ERICH1: variants seen among roughly 807,000 people sequenced by gnomAD.
The protein encoded by ERICH1 is glutamate rich 1, also known as glutamate-rich protein 1.
ERICH1 carries 56 observed loss-of-function variants against 39.6 expected under a neutral mutation model. The observed-to-expected ratio is 1.41, with a 90% CI of 1.14 to 1.77. ERICH1 has a LOEUF of 1.77. Among genes scored for constraint, ERICH1 ranks in the 40% most tolerant of loss-of-function variants. The pLI, the probability that ERICH1 is intolerant of heterozygous loss-of-function variation, is 0.00. For missense variants in ERICH1, 826 were observed against 575.4 expected (o/e 1.44, Z -4.45); for synonymous variants, 313 against 223.6 (o/e 1.40, Z -3.57).
At chr8:683,289 A>T (rs889267408) in intron 3 of ERICH1, among the ~76,000 whole-genome samples, 16 of 152,158 alleles carry the variant, frequency 1.1e-4, no homozygotes, top group South Asian at 4.1e-4. Flanking sequence ...GCCTTTGAGG[A>T]TAAAATTCAG....
intron 3 of ERICH1, among the ~76,000 whole-genome samples, chr8:643,522 C>T (rs1250551222): frequency 2.6e-5 from 4 of 151,666 alleles, no homozygotes; most frequent in East Asian, 2.0e-4. Context: ...GGCCCTGGGC[C>T]GAAGCCCCGC....
At chr8:636,206 G>C (rs1439576149) in intron 3 of ERICH1, among the ~76,000 whole-genome samples, 3 of 152,142 alleles carry the variant, frequency 2.0e-5, no homozygotes, top group Non-Finnish European at 4.4e-5. Context: ...GAATCCCTGC[G>C]CCCCAACCAC....
chr8:660,050 T>A (rs907610948), downstream of ERICH1, among the ~76,000 whole-genome samples: 1 of 152,234 alleles, frequency 6.6e-6, no homozygotes, highest in Admixed American at 6.5e-5. Context: ...ACAGCTGCAG[T>A]GGAACAGAGG....
At chr8:622,367 T>C (rs1797336843) in intron 3 of ERICH1, among the ~76,000 whole-genome samples, 1 of 152,154 alleles carries the variant, frequency 6.6e-6, no homozygotes, top group Non-Finnish European at 1.5e-5. Context: ...ATGAGGGCCC[T>C]GTGAAAATGA....
At chr8:619,826 T>C (rs1308364254) in intron 3 of ERICH1, among the ~76,000 whole-genome samples, 2 of 152,202 alleles carry the variant, frequency 1.3e-5, no homozygotes, top group Non-Finnish European at 2.9e-5. Context: ...TGTATTTCAC[T>C]GGTATTAGGC....
intron 3 of ERICH1, among the ~76,000 whole-genome samples, chr8:620,069 T>C (rs187186636): frequency 0.013 from 2,015 of 151,658 alleles, 31 homozygotes; most frequent in African/African-American, 0.047. Context: ...ATCCCAGCAC[T>C]TTGGGAGGCC....
chr8:651,309 T>C (rs1045031464), intron 3 of ERICH1, among the ~76,000 whole-genome samples: 1 of 151,840 alleles, frequency 6.6e-6, no homozygotes, highest in Non-Finnish European at 1.5e-5. Flanking sequence ...TGGGTGGGAG[T>C]GGGAAAAGAG....
chr8:660,672 A>T (rs887129154), downstream of ERICH1, among the ~76,000 whole-genome samples: 1 of 152,178 alleles, frequency 6.6e-6, no homozygotes, highest in African/African-American at 2.4e-5. Flanking sequence ...TTTTTACAAT[A>T]AAAATTTTGG....
chr8:716,398 C>A (rs1454168652), intron 1 of ERICH1, among the ~76,000 whole-genome samples: 1 of 152,238 alleles, frequency 6.6e-6, no homozygotes, highest in Non-Finnish European at 1.5e-5. Flanking sequence ...TGGACGGTGT[C>A]AGTGGCCCAC....
chr8:674,995 C>A (rs191854514), intron 3 of ERICH1, among the ~76,000 whole-genome samples: 2 of 152,374 alleles, frequency 1.3e-5, no homozygotes, highest in East Asian at 3.9e-4. Context: ...AGAGGTAGCA[C>A]AGCCAATTCT....
At position 657,561 on chromosome 8, in the gene ERICH1, A is replaced by C. The variant is rs1027094443; in HGVS notation, c.976+11037T>G. On this transcript the variant is annotated intron_variant, in intron 3 of 3. Transcript: ENST00000522706. ...TGATGCTCCTGCTCCGTCAGTCCAG[A>C]CTGGCGCCATTGTCTCCCTGATGGT... Among the ~76,000 whole-genome samples the C allele has an allele frequency of 4.0e-5, 6 of 149,512 alleles. No homozygotes were observed. In the Admixed American group the frequency reaches 4.1e-4, roughly 10 times the overall value.
intron 3 of ERICH1, among the ~76,000 whole-genome samples, chr8:655,688 CTT>C (rs1800560163): frequency 6.8e-6 from 1 of 146,426 alleles, no homozygotes; most frequent in Non-Finnish European, 1.5e-5. Context: ...TCCTTCCTTC[CTT>C]CCTTCCTTCC....
Position 716,018 on chromosome 8 carries a change from A to G in ERICH1, c.23-11T>C. The G allele has an allele frequency of 6.3e-7, 1 of 1,581,108 alleles. No individual in the cohort carries two copies. The highest frequency in any genetic ancestry group is 2.3e-5 in the East Asian group (1 of 44,308). ...CCTTCTCCACAAACACTGTACAGAC[A>G]ACCGATTAAAAGAAAAGGAGGAAAA... On this transcript the variant is annotated splice_polypyrimidine_tract_variant and intron_variant, in intron 1 of 5. Coordinates refer to ENST00000262109, the MANE Select transcript of ERICH1 (RefSeq NM_207332.3).
intron 3 of ERICH1, among the ~76,000 whole-genome samples, chr8:676,843 G>C (rs980155125): frequency 6.6e-6 from 1 of 152,224 alleles, no homozygotes; most frequent in African/African-American, 2.4e-5. Flanking sequence ...GCCTGTTGGA[G>C]TTTTCTGAGC....
chr8:693,293 A>C (rs951872517), intron 2 of ERICH1, among the ~76,000 whole-genome samples: 2 of 152,250 alleles, frequency 1.3e-5, no homozygotes, highest in Non-Finnish European at 2.9e-5. Context: ...ATCGTGTCAC[A>C]TACTTTATTA....
intron 4 of ERICH1, among the ~76,000 whole-genome samples, chr8:673,074 C>T (rs1290440306): frequency 6.6e-6 from 1 of 152,278 alleles, no homozygotes. Flanking sequence ...TGCCCATCCA[C>T]ATCATCGGTG....
intron 3 of ERICH1, chr8:626,782 G>T (rs1012383423): frequency 1.4e-5 from 3 of 219,214 alleles, no homozygotes; most frequent in Non-Finnish European, 2.9e-5. Flanking sequence ...GTTGCAGAGT[G>T]AAGATTTTGT....
At chr8:617,632 C>T (rs1797007340) in intron 3 of ERICH1, among the ~76,000 whole-genome samples, 1 of 150,356 alleles carries the variant, frequency 6.7e-6, no homozygotes, top group Non-Finnish European at 1.5e-5. Context: ...GTGCATGGTA[C>T]TTGGTCCATC....
chr8:622,512 G>A lies in ERICH1; in HGVS notation c.977-7228C>T, dbSNP rs574977471. On this transcript the variant is annotated intron_variant, in intron 3 of 3. Coordinates refer to the ERICH1 transcript ENST00000522706. Reference sequence around the variant, plus strand: ...TCTAGATACTAAATCTGGTGGTGACGTGATCTTGGACTGTCCAGCCTCCAG... The same window carrying A: ...TCTAGATACTAAATCTGGTGGTGACATGATCTTGGACTGTCCAGCCTCCAG... Among the ~76,000 whole-genome samples, 168 of 152,292 alleles carry A rather than the reference G, an allele frequency of 1.1e-3. 1 individual carries two copies. Among genetic ancestry groups the A allele is most frequent in the African/African-American group, 3.9e-3 (164 of 41,568 alleles).
Sources: gnomAD v4.1 joint callset for allele counts (sites outside exome capture counted in the v4.1 genomes callset) on GRCh38, gnomAD v4.1.1 for gene constraint, MANE v1.5 for transcripts, NCBI Gene and HGNC (gene_info 2026-07-23, HGNC 2026-07-21) for gene names.